GALNT7: variants seen among roughly 807,000 people sequenced by gnomAD.
GALNT7 encodes polypeptide N-acetylgalactosaminyltransferase 7.
In GALNT7, 60 loss-of-function variants were observed where a neutral mutation model predicts 82.1. The observed-to-expected ratio is 0.73, with a 90% CI of 0.59 to 0.91. GALNT7 has a LOEUF of 0.91. Ranked by LOEUF, GALNT7 falls within the 40% of genes least tolerant of loss-of-function variation. The pLI, the probability that GALNT7 is intolerant of heterozygous loss-of-function variation, is 0.00. For synonymous variants in GALNT7, 243 were observed against 275.1 expected (o/e 0.88, Z 1.15); for missense variants, 660 against 804.2 (o/e 0.82, Z 2.17).
At chr4:173,269,937 A>G (rs772733447) in intron 2 of GALNT7, among the ~76,000 whole-genome samples, 52 of 152,318 alleles carry the variant, frequency 3.4e-4, no homozygotes, top group Admixed American at 5.9e-4. Context: ...TATCCAGTAA[A>G]ACTAGAGACA....
intron 2 of GALNT7, among the ~76,000 whole-genome samples, chr4:173,256,416 A>G (rs1579960154): frequency 6.6e-6 from 1 of 152,334 alleles, no homozygotes; most frequent in East Asian, 1.9e-4. Context: ...AAATGCAAAA[A>G]TTAGTTGCAA....
intron 1 of GALNT7, among the ~76,000 whole-genome samples, chr4:173,235,269 A>G (rs1019070719): frequency 6.6e-6 from 1 of 152,138 alleles, no homozygotes; most frequent in Non-Finnish European, 1.5e-5. Context: ...CTCACTTTTT[A>G]CTGCTCTCAG....
intron 3 of GALNT7, among the ~76,000 whole-genome samples, chr4:173,294,375 G>A (rs1736645964): frequency 6.6e-6 from 1 of 151,362 alleles, no homozygotes; most frequent in Admixed American, 6.6e-5. Flanking sequence ...ATTAAAACTG[G>A]GTACCAAAAT....
chr4:173,303,088 G>A (rs963967735), intron 7 of GALNT7, among the ~76,000 whole-genome samples: 2 of 152,074 alleles, frequency 1.3e-5, no homozygotes, highest in African/African-American at 2.4e-5. Context: ...CCAGATACTC[G>A]GGAGGCTGAG....
rs3839159 is a variant in GALNT7 at position 173,323,084 on chromosome 4, A to AT, written c.*1368dup. 9,242 of 152,202 alleles carry AT rather than the reference A, an allele frequency of 0.061. 448 individuals are homozygous for AT. The highest frequency in any genetic ancestry group is 0.13 in the African/African-American group (5,287 of 41,424). 9.4% of individuals were successfully genotyped at this position (152,202 alleles called of 1,614,324 possible). A position where few individuals can be genotyped will look rare whatever the true frequency, so the allele number is the denominator to read the frequency against. On this transcript the variant is annotated 3_prime_UTR_variant, in exon 12 of 12. Transcript: ENST00000265000. ...CAATTCGATTTTAATTTCTCAAAAG[A>AT]TACTCTGTTATCCAGAAGATTAAAA...
chr4:173,235,322 A>G (rs932140873), intron 1 of GALNT7, among the ~76,000 whole-genome samples: 2 of 152,150 alleles, frequency 1.3e-5, no homozygotes, highest in African/African-American at 4.8e-5. Context: ...GCCTGGCTTG[A>G]TCTAGCTACT....
rs1023103275 is a variant in GALNT7 at position 173,323,621 on chromosome 4, T to C, written c.*1904T>C. On this transcript the variant is annotated 3_prime_UTR_variant, in exon 12 of 12. Transcript: ENST00000265000. ...ATGTAAATTTTAAATGGGTACTTTG[T>C]GCAATTCGTTAAAAGAAGATACTCT... is the stretch of plus-strand genomic sequence containing the variant. 1 of 152,574 alleles carries C rather than the reference T, an allele frequency of 6.6e-6. No homozygotes were observed. Among genetic ancestry groups the C allele is most frequent in the Non-Finnish European group, 1.5e-5 (1 of 67,998 alleles). The allele number at this position is 152,574 out of a possible 1,614,324, so 9.5% of individuals were successfully genotyped here. A position where few individuals can be genotyped will look rare whatever the true frequency, so the allele number is the denominator to read the frequency against.
rs1174864783 is a variant in GALNT7 at position 173,248,684 on chromosome 4, C to T, written c.587+244C>T. The stretch of plus-strand genomic sequence containing the variant: ...TCAGTGCTATTCAAAATATGGTCCC[C>T]AGACTGGCACTGGTCAATGAATTTT... On this transcript the variant is annotated intron_variant, in intron 2 of 11. Transcript: ENST00000265000. Among the ~76,000 whole-genome samples, 3 of 152,254 alleles carry T rather than the reference C, an allele frequency of 2.0e-5. No homozygotes were observed. In the South Asian group the frequency reaches 6.2e-4, roughly 32 times the overall value.
At chr4:173,231,722 C>G (rs562804441) in intron 1 of GALNT7, among the ~76,000 whole-genome samples, 1 of 152,238 alleles carries the variant, frequency 6.6e-6, no homozygotes, top group Non-Finnish European at 1.5e-5. Flanking sequence ...AAGGCAGGCC[C>G]TCCTTTAAAT....
At chr4:173,270,625 C>A (rs1188097803) in intron 2 of GALNT7, among the ~76,000 whole-genome samples, 2 of 152,138 alleles carry the variant, frequency 1.3e-5, no homozygotes, top group East Asian at 3.8e-4. Context: ...AATTTTTCCT[C>A]CACATGAAAT....
At chr4:173,293,499 G>A (rs1165299143) in intron 3 of GALNT7, among the ~76,000 whole-genome samples, 1 of 152,100 alleles carries the variant, frequency 6.6e-6, no homozygotes, top group Non-Finnish European at 1.5e-5. Context: ...AATTTGGTGT[G>A]TACTTTCCCT....
intron 1 of GALNT7, among the ~76,000 whole-genome samples, chr4:173,203,834 T>C (rs978738983): frequency 6.6e-6 from 1 of 152,232 alleles, no homozygotes; most frequent in South Asian, 2.1e-4. Flanking sequence ...ATTTAAATAA[T>C]TTATATTTTA....
intron 1 of GALNT7, among the ~76,000 whole-genome samples, chr4:173,223,622 A>G (rs748647145): frequency 2.0e-5 from 3 of 151,026 alleles, no homozygotes; most frequent in Non-Finnish European, 4.4e-5. Context: ...GTCAAGCTGA[A>G]TGATCACTAA....
chr4:173,269,711 G>C (rs563424044), intron 2 of GALNT7, among the ~76,000 whole-genome samples: 3 of 152,130 alleles, frequency 2.0e-5, no homozygotes, highest in Non-Finnish European at 4.4e-5. Context: ...AATAATTTTA[G>C]ATTTAATCTT....
intron 2 of GALNT7, among the ~76,000 whole-genome samples, chr4:173,286,880 T>G (rs770884151): frequency 3.9e-5 from 6 of 152,192 alleles, no homozygotes; most frequent in Admixed American, 1.3e-4. Flanking sequence ...TAGACCTAGG[T>G]ACTTTACTGA....
In GALNT7 at chr4:173,297,989, T is replaced by G. The variant is rs1300561214; in HGVS notation, c.966-126T>G. ...ACTGAACCTTATCGGTAAAGACTAT[T>G]ACTTTATTTTCTTATGTTGAATGTT... On this transcript the variant is annotated intron_variant, in intron 5 of 11. Transcript: ENST00000265000. 3 of 1,505,318 alleles carry G rather than the reference T, an allele frequency of 2.0e-6. No homozygotes were observed. The Admixed American group carries it at 7.3e-5, about 37-fold the overall frequency. 93.2% of individuals were successfully genotyped at this position (1,505,318 alleles called of 1,614,324 possible). A position where few individuals can be genotyped will look rare whatever the true frequency, so the allele number is the denominator to read the frequency against.
At chr4:173,221,187 C>T (rs563202609) in intron 1 of GALNT7, among the ~76,000 whole-genome samples, 2 of 151,906 alleles carry the variant, frequency 1.3e-5, no homozygotes, top group African/African-American at 2.4e-5. Context: ...TTTTAATGAT[C>T]GCCATTCTAA....
chr4:173,180,974 C>T (rs1381627993), intron 1 of GALNT7, among the ~76,000 whole-genome samples: 1 of 151,976 alleles, frequency 6.6e-6, no homozygotes, highest in Non-Finnish European at 1.5e-5. Context: ...GTTTAAACAC[C>T]CCTGTTCAAA....
Position 173,292,428 on chromosome 4 carries a change from G to T in GALNT7, c.754+154G>T, listed in dbSNP as rs1001649173. On this transcript the variant is annotated intron_variant, in intron 3 of 11. Transcript: ENST00000265000. The surrounding 1 kb of genome is among the most constrained non-coding windows in gnomAD (Gnocchi z 4.8). ...GTTGACACTGTGCCAAGCATTGTAT[G>T]TGAGTTATTTTGTTTAATACTAACA... is the stretch of plus-strand genomic sequence containing the variant. Among the ~76,000 whole-genome samples the T allele has an allele frequency of 2.0e-5, 3 of 152,186 alleles. No homozygotes were observed. Among genetic ancestry groups the T allele is most frequent in the African/African-American group, 7.2e-5 (3 of 41,438 alleles).
Sources: allele counts gnomAD v4.1 joint callset (sites outside exome capture counted in the v4.1 genomes callset), GRCh38; gene constraint gnomAD v4.1.1; non-coding constraint Gnocchi (gnomAD v3.1); transcripts MANE v1.5; gene names NCBI Gene and HGNC (gene_info 2026-07-23, HGNC 2026-07-21).